ESYT3: variants seen among roughly 807,000 people sequenced by gnomAD.
ESYT3 encodes extended synaptotagmin 3, also known as extended synaptotagmin-3.
ESYT3 carries 101 observed loss-of-function variants against 111.5 expected under a neutral mutation model. That is an observed-to-expected ratio of 0.91 (90% CI 0.77 to 1.07). The LOEUF (loss-of-function observed/expected upper bound fraction) is 1.07, where lower values mean the gene tolerates loss of function less well. Ranked by LOEUF, ESYT3 falls within the 50% of genes least tolerant of loss-of-function variation. The pLI, the probability that ESYT3 is intolerant of heterozygous loss-of-function variation, is 0.00. For synonymous variants in ESYT3, 416 were observed against 446.8 expected (o/e 0.93, Z 0.87); for missense variants, 1,097 against 1,109.4 (o/e 0.99, Z 0.16).
chr3:138,472,420 A>G lies in ESYT3; in HGVS notation c.1798A>G (p.Lys600Glu), dbSNP rs368357682. The change falls in exon 18 of 23, where the codon AAG (lysine) becomes GAG (glutamate). Residue 600 changes from lysine (K) to glutamate (E), a missense_variant. Coordinates refer to ENST00000389567, the MANE Select transcript of ESYT3 (RefSeq NM_031913.5). ...GSPYTGPEAL[K>E]KGPLLIKKVA... ...CCCATACACAGGACCTGAAGCCCTA[A>G]AGAAAGGCCCTCTGCTCATCAAGAA... The G allele has an allele frequency of 6.2e-7, 1 of 1,614,182 alleles. No individual in the cohort carries two copies. The highest frequency in any genetic ancestry group is 1.3e-5 in the African/African-American group (1 of 75,044).
chr3:138,470,986 C>G lies in ESYT3; in HGVS notation c.1700C>G (p.Ser567Ter), dbSNP rs372680389. The G allele has an allele frequency of 3.7e-6, 6 of 1,614,156 alleles. No individual in the cohort carries two copies. Among genetic ancestry groups the G allele is most frequent in the Non-Finnish European group, 5.1e-6 (6 of 1,180,036 alleles). The stretch of plus-strand genomic sequence containing the variant: ...GAGCAGCGCTTTCAGCTGGACCACT[C>G]AGGCCTGGACAGCCTCATCTCCATG... The part of the protein sequence containing the change: ...TLEQRFQLDH[S>*]GLDSLISMRL... Residue 567 changes from serine (S) to a stop codon, truncating the protein, a stop_gained, in exon 17 of 23, where the codon TCA becomes TGA. Transcript: ENST00000389567. LOFTEE classifies it high-confidence loss of function.
At chr3:138,454,851 CCA>C (rs943930984) in intron 2 of ESYT3, among the ~76,000 whole-genome samples, 3 of 152,186 alleles carry the variant, frequency 2.0e-5, no homozygotes, top group South Asian at 2.1e-4. Flanking sequence ...TTTGTTTAAA[CCA>C]CAGTGTAGAA....
intron 1 of ESYT3, among the ~76,000 whole-genome samples, chr3:138,448,904 A>G (rs1252961156): frequency 2.0e-5 from 3 of 151,952 alleles, no homozygotes; most frequent in Non-Finnish European, 4.4e-5. Context: ...GGGTAGGAGA[A>G]TTGAGGTCTC....
chr3:138,443,497 A>T (rs2108594578), intron 1 of ESYT3, among the ~76,000 whole-genome samples: 1 of 152,186 alleles, frequency 6.6e-6, no homozygotes, highest in East Asian at 1.9e-4. Context: ...GCCAGCCTGA[A>T]GTCCAATGGC....
Position 138,434,924 on chromosome 3 carries a change from G to A in ESYT3, c.126G>A (p.Val42=). 6.4e-7 allele frequency: 1 copy of A among 1,552,028 alleles called. No individual in the cohort carries two copies. Among genetic ancestry groups the A allele is most frequent in the Non-Finnish European group, 8.7e-7 (1 of 1,147,204 alleles). Residue 42 remains valine, a synonymous_variant, in exon 1 of 23, where the codon GTG becomes GTA. Transcript: ENST00000389567. The part of the protein sequence containing the change: ...LPELCTFVVR[V]LFYLGPVYLA... Reference sequence around the variant, plus strand: ...AGCTCTGTACCTTCGTGGTGCGCGTGCTGTTCTACCTGGGGCCTGTCTACC... The same window carrying A: ...AGCTCTGTACCTTCGTGGTGCGCGTACTGTTCTACCTGGGGCCTGTCTACC...
chr3:138,472,824 T>C lies in ESYT3; in HGVS notation c.2202T>C (p.Ser734=). ...SMSSLNSLAS[S]CFDLADISLN... ...CCTCGCTCAACTCCTTGGCCTCTTC[T>C]TGCTTTGACCTGGCAGATATCAGCC... The change falls in exon 18 of 23, where the codon TCT becomes TCC. Residue 734 remains serine, a synonymous_variant. Coordinates refer to ENST00000389567, the MANE Select transcript of ESYT3 (RefSeq NM_031913.5). The C allele has an allele frequency of 1.2e-6, 2 of 1,614,208 alleles. No homozygotes were observed. The highest frequency in any genetic ancestry group is 2.7e-5 in the African/African-American group (2 of 75,070).
intron 4 of ESYT3, among the ~76,000 whole-genome samples, chr3:138,458,622 G>A (rs1576446054): frequency 6.6e-6 from 1 of 152,216 alleles, no homozygotes; most frequent in South Asian, 2.1e-4. Context: ...ACCCTCAAGG[G>A]CACCCATTCT....
At chr3:138,438,344 C>T (rs1310904684) in intron 1 of ESYT3, among the ~76,000 whole-genome samples, 1 of 152,190 alleles carries the variant, frequency 6.6e-6, no homozygotes, top group African/African-American at 2.4e-5. Context: ...ACCTGCATTG[C>T]ATGTCGTGTG....
In ESYT3 at chr3:138,470,155, G is replaced by A; in HGVS notation, c.1590+9G>A. On this transcript the variant is annotated intron_variant, in intron 16 of 22. Coordinates refer to ENST00000389567, the MANE Select transcript of ESYT3 (RefSeq NM_031913.5). The stretch of plus-strand genomic sequence containing the variant: ...AGCGGCTCCATCTGAAGGTTTGATG[G>A]AAGAAGGGCTCTTGAAACAGAGTTA... 1 of 1,610,584 alleles carries A rather than the reference G, an allele frequency of 6.2e-7. No homozygotes were observed. The highest frequency in any genetic ancestry group is 1.7e-5 in the Admixed American group (1 of 59,932).
At chr3:138,465,314 T>G in intron 9 of ESYT3, 25 bp from the exon 10 acceptor site, 1 of 1,552,658 alleles carries the variant, frequency 6.4e-7, no homozygotes, top group Non-Finnish European at 8.8e-7. Context: ...TGCCTGCAGG[T>G]CAAGACACCT....
At chr3:138,449,082 CTTTTTTT>C (rs398040196) in intron 1 of ESYT3, among the ~76,000 whole-genome samples, 60 of 113,132 alleles carry the variant, frequency 5.3e-4, no homozygotes, top group Admixed American at 3.4e-3. Context: ...CTTTCTTTTT[CTTTTTTT>C]TTTTTTTTTT....
chr3:138,455,299 A>C lies in ESYT3; in HGVS notation c.475A>C (p.Thr159Pro). ...GAAGAGCATCCACCTGAGGACCTTTACCTTTACCAAGCTCTACTTTGGACA... is the reference window on the plus strand; with the variant it reads ...GAAGAGCATCCACCTGAGGACCTTTCCCTTTACCAAGCTCTACTTTGGACA... The part of the protein sequence containing the change: ...REKSIHLRTF[T>P]FTKLYFGQKC... Residue 159 changes from threonine to proline, a missense_variant, in exon 3 of 23, where the codon ACC becomes CCC. Transcript: ENST00000389567. 6.2e-7 allele frequency: 1 copy of C among 1,613,992 alleles called. No individual in the cohort carries two copies. Among genetic ancestry groups the C allele is most frequent in the Non-Finnish European group, 8.5e-7 (1 of 1,179,986 alleles).
intron 10 of ESYT3, among the ~76,000 whole-genome samples, chr3:138,466,513 C>T (rs1275340385): frequency 6.6e-6 from 1 of 152,088 alleles, no homozygotes; most frequent in Non-Finnish European, 1.5e-5. Context: ...AGAAGTGTGG[C>T]TTGTGGGTCA....
intron 11 of ESYT3, 103 bp downstream of exon 11, chr3:138,467,712 C>A: frequency 9.3e-7 from 1 of 1,073,622 alleles, no homozygotes; most frequent in Non-Finnish European, 1.4e-6. Context: ...TGCTGTGGTC[C>A]CCCTCTGTGC....
At chr3:138,461,630 C>G (rs1026269555) in intron 7 of ESYT3, among the ~76,000 whole-genome samples, 1 of 152,244 alleles carries the variant, frequency 6.6e-6, no homozygotes, top group African/African-American at 2.4e-5. Context: ...GGCACCATCC[C>G]TGTCCCCCGG....
At position 138,434,775 on chromosome 3, in the gene ESYT3, GAAGGGC is replaced by G; in HGVS notation, c.-20_-15del. ...ACCTAAGCTCGGGTGAAGCTCTCGG[GAAGGGC>G]AAGACTGCGGCGACGAGATGCGAGC... On this transcript the variant is annotated 5_prime_UTR_variant, in exon 1 of 23. Transcript: ENST00000389567. 1 of 1,511,090 alleles carries G rather than the reference GAAGGGC, an allele frequency of 6.6e-7. No homozygotes were observed. Among genetic ancestry groups the G allele is most frequent in the South Asian group, 1.3e-5 (1 of 76,894 alleles). 93.6% of individuals were successfully genotyped at this position (1,511,090 alleles called of 1,614,324 possible). A position where few individuals can be genotyped will look rare whatever the true frequency, so the allele number is the denominator to read the frequency against.
chr3:138,474,128 T>TTGAAACTCTCAAACAC, intron 19 of ESYT3, 93 bp from the exon 20 acceptor site: 1 of 1,517,784 alleles, frequency 6.6e-7, no homozygotes, highest in Non-Finnish European at 8.9e-7. Flanking sequence ...TTTGAAGTGT[T>TTGAAACTCTCAAACAC]TGAAACTCTC....
At chr3:138,451,414 A>G (rs1287785985) in intron 1 of ESYT3, among the ~76,000 whole-genome samples, 2 of 152,232 alleles carry the variant, frequency 1.3e-5, no homozygotes, top group Non-Finnish European at 2.9e-5. Context: ...ACTGGGTGGT[A>G]GAATTCCCTA....
At chr3:138,474,446 A>C in intron 20 of ESYT3, 94 bp downstream of exon 20, 2 of 1,410,256 alleles carry the variant, frequency 1.4e-6, no homozygotes. Flanking sequence ...AGATGCTGGA[A>C]GGGGCTATGG....
Sources: gnomAD v4.1 joint callset for allele counts (sites outside exome capture counted in the v4.1 genomes callset) on GRCh38, gnomAD v4.1.1 for gene constraint, MANE v1.5 for transcripts, NCBI Gene and HGNC (gene_info 2026-07-23, HGNC 2026-07-21) for gene names.